Variants in CTNNA3 observed in about 807,000 individuals in gnomAD.
The protein encoded by CTNNA3 is catenin alpha-3.
In CTNNA3, 76 loss-of-function variants were observed where a neutral mutation model predicts 95.7. That is an observed-to-expected ratio of 0.79 (90% confidence interval 0.66 to 0.96). CTNNA3 has a LOEUF of 0.96. Ranked by LOEUF, CTNNA3 falls within the 40% of genes least tolerant of loss-of-function variation. The pLI is 0.00. For synonymous variants in CTNNA3, 431 were observed against 374.4 expected, an observed-to-expected ratio of 1.15 and a Z score of -1.74; for missense variants, 1,191 against 1,089.8, an observed-to-expected ratio of 1.09 and a Z score of -1.31.
intron 5 of CTNNA3, among the ~76,000 whole-genome samples, chr10:67,487,848 G>T (rs1307240396): frequency 6.6e-6 from 1 of 152,058 alleles, no homozygotes; most frequent in African/African-American, 2.4e-5. Flanking sequence ...CTCACCCCTA[G>T]GTACCACAGG....
chr10:66,815,123 T>C (rs1312305469), intron 7 of CTNNA3, among the ~76,000 whole-genome samples: 2 of 152,160 alleles, frequency 1.3e-5, no homozygotes, highest in African/African-American at 4.8e-5. Flanking sequence ...GATGAAAATC[T>C]TTAAAATGGT....
intron 5 of CTNNA3, among the ~76,000 whole-genome samples, chr10:67,291,110 C>T (rs1020656396): frequency 6.6e-6 from 1 of 152,052 alleles, no homozygotes; most frequent in African/African-American, 2.4e-5. Flanking sequence ...TAAATTGATC[C>T]CTCCAAGTCT....
At chr10:67,014,316 A>C (rs950011963) in intron 7 of CTNNA3, among the ~76,000 whole-genome samples, 2 of 152,120 alleles carry the variant, frequency 1.3e-5, no homozygotes, top group Non-Finnish European at 2.9e-5. Flanking sequence ...AATTTATGTC[A>C]TTCTGTTTTG....
At chr10:66,963,646 C>A (rs937196942) in intron 7 of CTNNA3, among the ~76,000 whole-genome samples, 5 of 151,988 alleles carry the variant, frequency 3.3e-5, no homozygotes, top group African/African-American at 4.8e-5. Flanking sequence ...TATTTAGATC[C>A]CTTTTCAGGG....
intron 5 of CTNNA3, among the ~76,000 whole-genome samples, chr10:67,336,270 G>T (rs1447464556): frequency 6.6e-6 from 1 of 152,150 alleles, no homozygotes; most frequent in African/African-American, 2.4e-5. Context: ...TCAAATGAAA[G>T]AAACTGTAGC....
chr10:66,080,919 G>C (rs745831505), intron 14 of CTNNA3, among the ~76,000 whole-genome samples: 38 of 152,170 alleles, frequency 2.5e-4, no homozygotes, highest in Non-Finnish European at 5.1e-4. Context: ...GTTCACAGAT[G>C]CTTAAGAAAG....
Position 66,949,165 on chromosome 10 carries a change from T to A in CTNNA3, c.1048-173641A>T, listed in dbSNP as rs73331652. On this transcript the variant is annotated intron_variant, in intron 7 of 17. Coordinates refer to ENST00000433211, the MANE Select transcript of CTNNA3 (RefSeq NM_013266.4). ...AAGAATGCAGGCAAATTTCTATGAT[T>A]AGTATTTATTCAAATATATATTTTG... 6.8e-3 allele frequency among the ~76,000 whole-genome samples: 1,036 copies of A among 152,356 alleles called. 11 individuals carry two copies. Among genetic ancestry groups the A allele is most frequent in the African/African-American group, 0.024 (988 of 41,582 alleles).
chr10:67,552,098 T>C (rs1438347905), intron 3 of CTNNA3, among the ~76,000 whole-genome samples: 1 of 152,172 alleles, frequency 6.6e-6, no homozygotes, highest in East Asian at 1.9e-4. Context: ...GCCGCTAGTG[T>C]CCAAAAGCAA....
At chr10:66,228,164 TTTTG>T (rs1301426320) in intron 13 of CTNNA3, among the ~76,000 whole-genome samples, 1 of 152,116 alleles carries the variant, frequency 6.6e-6, no homozygotes. Flanking sequence ...TTTGTGCCTG[TTTTG>T]TTTATTTTTG....
intron 7 of CTNNA3, among the ~76,000 whole-genome samples, chr10:66,948,627 T>TTA (rs1848390651): frequency 6.6e-6 from 1 of 152,198 alleles, no homozygotes; most frequent in African/African-American, 2.4e-5. Flanking sequence ...ATTATAAAAT[T>TTA]TATATCTACA....
At chr10:66,555,986 C>G (rs189216873) in intron 10 of CTNNA3, among the ~76,000 whole-genome samples, 44 of 151,878 alleles carry the variant, frequency 2.9e-4, no homozygotes, top group Non-Finnish European at 2.5e-4. Flanking sequence ...GGCTAATATC[C>G]AAAATATACA....
intron 10 of CTNNA3, among the ~76,000 whole-genome samples, chr10:66,600,111 T>C (rs1843867636): frequency 6.6e-6 from 1 of 151,878 alleles, no homozygotes; most frequent in Non-Finnish European, 1.5e-5. Context: ...GAACCTCAAA[T>C]TTATGTTGAA....
At chr10:66,352,260 T>C (rs764139815) in intron 12 of CTNNA3, among the ~76,000 whole-genome samples, 4 of 152,098 alleles carry the variant, frequency 2.6e-5, no homozygotes, top group Non-Finnish European at 5.9e-5. Context: ...CTACCCTCCC[T>C]CCTTGTATCT....
chr10:66,919,880 T>C (rs150809104), intron 7 of CTNNA3, among the ~76,000 whole-genome samples: 174 of 152,350 alleles, frequency 1.1e-3, no homozygotes, highest in African/African-American at 4.0e-3. Context: ...CTGACAACCC[T>C]GATATATTGT....
At chr10:67,392,791 T>C (rs1844556140) in intron 5 of CTNNA3, among the ~76,000 whole-genome samples, 1 of 151,926 alleles carries the variant, frequency 6.6e-6, no homozygotes, top group South Asian at 2.1e-4. Flanking sequence ...TCATTCTCAG[T>C]AAACTATCAC....
chr10:67,219,713 T>A lies in CTNNA3; in HGVS notation c.737A>T (p.Gln246Leu). The A allele has an allele frequency of 6.2e-7, 1 of 1,614,162 alleles. No homozygotes were observed. Among genetic ancestry groups the A allele is most frequent in the Non-Finnish European group, 8.5e-7 (1 of 1,180,014 alleles). ...ATTTGAAATTACATTGAGAGCATTC[T>A]GAATTTCTTCACAAACTGTGTCCTT... ...ASKDTVCEEI[Q>L]NALNVISNAS... Residue 246 changes from glutamine (Q) to leucine (L), a missense_variant, in exon 6 of 18, where the codon CAG becomes CTG. Gln to Leu is a moderately radical substitution (Grantham distance 113). Transcript: ENST00000433211.
intron 11 of CTNNA3, among the ~76,000 whole-genome samples, chr10:66,390,389 G>C (rs1484843001): frequency 6.6e-6 from 1 of 152,050 alleles, no homozygotes; most frequent in Non-Finnish European, 1.5e-5. Context: ...ACAAGAAAAA[G>C]ATTCAGAGAA....
At chr10:66,532,340 A>T (rs1007669392) in intron 10 of CTNNA3, among the ~76,000 whole-genome samples, 3 of 151,910 alleles carry the variant, frequency 2.0e-5, no homozygotes, top group Non-Finnish European at 2.9e-5. Context: ...TAGGTGCCTG[A>T]AGTCCCAGCT....
chr10:67,751,195 C>G (rs1393999298), intron 1 of CTNNA3: 1 of 1,286,162 alleles, frequency 7.8e-7, no homozygotes, highest in African/African-American at 1.5e-5. Flanking sequence ...TTGCAATCCT[C>G]TCATTTGGAG....
Sources: gnomAD v4.1 joint callset for allele counts (sites outside exome capture counted in the v4.1 genomes callset) on GRCh38, gnomAD v4.1.1 for gene constraint, MANE v1.5 for transcripts, NCBI Gene and HGNC (gene_info 2026-07-23, HGNC 2026-07-21) for gene names.